The following STX8 variants were observed in gnomAD, a reference collection of about 807,000 sequenced individuals.
The protein encoded by STX8 is syntaxin 8, also known as syntaxin-8.
A neutral mutation model predicts 37.5 loss-of-function variants in STX8; 23 were observed. The observed-to-expected ratio is 0.61, with a 90% CI of 0.44 to 0.87. The LOEUF (loss-of-function observed/expected upper bound fraction) is 0.87, where lower values mean the gene tolerates loss of function less well. STX8 is among the 40% of genes least tolerant of loss of function. The probability of loss-of-function intolerance (pLI) is 0.00; values close to 1 mark genes in which losing one functional copy is unlikely to be tolerated. For missense variants in STX8, 313 were observed against 284.7 expected (o/e 1.10, Z -0.71); for synonymous variants, 115 against 99.1 (o/e 1.16, Z -0.95).
chr17:9,444,005 C>T (rs1457127851), intron 6 of STX8, among the ~76,000 whole-genome samples: 3 of 152,192 alleles, frequency 2.0e-5, no homozygotes, highest in Admixed American at 6.5e-5. Context: ...TTTCTGTCAT[C>T]GTGTTCATTC....
intron 6 of STX8, among the ~76,000 whole-genome samples, chr17:9,385,399 T>C (rs939719768): frequency 1.3e-5 from 2 of 152,146 alleles, no homozygotes; most frequent in Non-Finnish European, 2.9e-5. Flanking sequence ...TGGTAGAAAA[T>C]ATTTGTAGAA....
rs183955107 is a variant in STX8, at chr17:9,258,341, C to G, written c.644-7696G>C. ...TTAATCCCACGACTGGGCAAATACA[C>G]GAAGAAAAGAGTAGACGCCGTGCAG... is the stretch of plus-strand genomic sequence containing the variant. On this transcript the variant is annotated intron_variant, in intron 7 of 7. Coordinates refer to ENST00000306357, the MANE Select transcript of STX8 (RefSeq NM_004853.3). Among the ~76,000 whole-genome samples, 3 of 152,298 alleles carry G rather than the reference C, an allele frequency of 2.0e-5. No homozygotes were observed. In the East Asian group the frequency reaches 5.8e-4, roughly 29 times the overall value.
chr17:9,318,016 C>T (rs907207741), intron 7 of STX8, among the ~76,000 whole-genome samples: 1 of 152,210 alleles, frequency 6.6e-6, no homozygotes, highest in African/African-American at 2.4e-5. Context: ...CCAATTCTTA[C>T]ATATGAACTC....
intron 6 of STX8, among the ~76,000 whole-genome samples, chr17:9,426,699 T>C (rs1428061768): frequency 6.6e-6 from 1 of 152,148 alleles, no homozygotes; most frequent in Non-Finnish European, 1.5e-5. Flanking sequence ...AGGTAGAGGC[T>C]GCAGTGACCT....
intron 7 of STX8, among the ~76,000 whole-genome samples, chr17:9,329,489 C>G (rs1486922125): frequency 1.3e-5 from 2 of 152,200 alleles, no homozygotes; most frequent in Non-Finnish European, 2.9e-5. Flanking sequence ...GTGAGGGACA[C>G]TGGATCCAGG....
intron 7 of STX8, among the ~76,000 whole-genome samples, chr17:9,327,408 G>A (rs1169451842): frequency 1.3e-5 from 2 of 151,958 alleles, no homozygotes; most frequent in Non-Finnish European, 2.9e-5. Flanking sequence ...AGGAGAAGAA[G>A]AAGAAAAAGA....
At chr17:9,506,235 C>T (rs1286180928) in intron 4 of STX8, among the ~76,000 whole-genome samples, 4 of 151,996 alleles carry the variant, frequency 2.6e-5, no homozygotes. Context: ...TGCATTCTGT[C>T]CAAGCTGAGA....
At chr17:9,404,688 C>A (rs974179777) in intron 6 of STX8, among the ~76,000 whole-genome samples, 10 of 152,104 alleles carry the variant, frequency 6.6e-5, no homozygotes, top group African/African-American at 7.2e-5. Flanking sequence ...CTCCTGACCT[C>A]GTGATCTGCC....
At chr17:9,516,980 G>C (rs569678880) in intron 4 of STX8, among the ~76,000 whole-genome samples, 1 of 152,270 alleles carries the variant, frequency 6.6e-6, no homozygotes, top group Admixed American at 6.5e-5. Flanking sequence ...TGGGGAGTAA[G>C]TGGGGAAGAC....
At chr17:9,509,459 GAA>G (rs1904953006) in intron 4 of STX8, among the ~76,000 whole-genome samples, 2 of 151,932 alleles carry the variant, frequency 1.3e-5, no homozygotes, top group Non-Finnish European at 2.9e-5. Context: ...CTCCAGAAAT[GAA>G]AGAGAAATAA....
intron 6 of STX8, among the ~76,000 whole-genome samples, chr17:9,388,383 ACTTTT>A (rs1030930932): frequency 6.6e-6 from 1 of 151,654 alleles, no homozygotes; most frequent in Non-Finnish European, 1.5e-5. Context: ...AAACAACTCT[ACTTTT>A]TAAGTTATAA....
intron 6 of STX8, among the ~76,000 whole-genome samples, chr17:9,404,800 A>C (rs1471387813): frequency 6.6e-6 from 1 of 152,178 alleles, no homozygotes; most frequent in Non-Finnish European, 1.5e-5. Flanking sequence ...CAGATCGTTT[A>C]GCCAGTTTGT....
rs1396996603 is a variant in STX8, at chr17:9,358,453, T to C, written c.643+20099A>G. 5.9e-5 allele frequency among the ~76,000 whole-genome samples: 9 copies of C among 152,278 alleles called. No homozygotes were observed. In the East Asian group the frequency reaches 1.5e-3, roughly 26 times the overall value. ...GGTCTTCAACCCACTTTAAAAGGCA[T>C]AATGGAAATGACAAGAAAACAGATA... On this transcript the variant is annotated intron_variant, in intron 7 of 7. Transcript: ENST00000306357.
intron 6 of STX8, among the ~76,000 whole-genome samples, chr17:9,471,373 G>A (rs1597693611): frequency 1.3e-5 from 2 of 148,642 alleles, no homozygotes; most frequent in East Asian, 2.1e-4. Flanking sequence ...GGCTGGTCTC[G>A]AACTCCTGAC....
At chr17:9,283,462 C>T (rs576690322) in intron 7 of STX8, among the ~76,000 whole-genome samples, 6 of 152,128 alleles carry the variant, frequency 3.9e-5, no homozygotes, top group Admixed American at 1.3e-4. Flanking sequence ...AATCACTGAA[C>T]CTGGGAGGCA....
intron 6 of STX8, among the ~76,000 whole-genome samples, chr17:9,426,045 T>A (rs182333603): frequency 1.5e-5 from 2 of 133,410 alleles, no homozygotes; most frequent in Non-Finnish European, 3.2e-5. Context: ...ACCCTGTTAA[T>A]TAGAACCTAG....
chr17:9,402,400 C>T (rs913427912), intron 6 of STX8, among the ~76,000 whole-genome samples: 15 of 152,118 alleles, frequency 9.9e-5, no homozygotes, highest in African/African-American at 4.8e-5. Context: ...GGATTACAGG[C>T]GTGAGTCACC....
intron 7 of STX8, among the ~76,000 whole-genome samples, chr17:9,320,770 G>A (rs907041280): frequency 7.3e-5 from 11 of 151,428 alleles, no homozygotes; most frequent in African/African-American, 2.2e-4. Context: ...GTGTGGTGGC[G>A]TGCACCTCTA....
In STX8 at chr17:9,364,152, A is replaced by G. The variant is rs543158335; in HGVS notation, c.643+14400T>C. ...TTATCCAAACCCCATGAGCAATCGC[A>G]GGGTACAGGATAGAGTGAATCTTTC... On this transcript the variant is annotated intron_variant, in intron 7 of 7. Transcript: ENST00000306357. Among the ~76,000 whole-genome samples, 8 of 152,362 alleles carry G rather than the reference A, an allele frequency of 5.3e-5. No individual in the cohort carries two copies. In the East Asian group the frequency reaches 1.5e-3, roughly 29 times the overall value.
Sources: gnomAD v4.1 joint callset for allele counts (sites outside exome capture counted in the v4.1 genomes callset) on GRCh38, gnomAD v4.1.1 for gene constraint, MANE v1.5 for transcripts, NCBI Gene and HGNC (gene_info 2026-07-23, HGNC 2026-07-21) for gene names.